The following CACNA1B variants were observed in gnomAD, a reference collection of about 807,000 sequenced individuals.
CACNA1B encodes voltage-dependent N-type calcium channel subunit alpha-1B.
CACNA1B carries 70 observed loss-of-function variants against 247.2 expected under a neutral mutation model. That is an observed-to-expected ratio of 0.28 (90% confidence interval 0.23 to 0.35). CACNA1B has a LOEUF of 0.35. Ranked by LOEUF, CACNA1B falls within the 10% of genes least tolerant of loss-of-function variation. The pLI is 1.00. For synonymous variants in CACNA1B, 1,231 were observed against 1,294.4 expected (o/e 0.95, Z 1.05); for missense variants, 2,367 against 3,197.4 (o/e 0.74, Z 6.26).
At chr9:137,949,613 G>A (rs1957855652) in intron 6 of CACNA1B, among the ~76,000 whole-genome samples, 1 of 152,076 alleles carries the variant, frequency 6.6e-6, no homozygotes, top group African/African-American at 2.4e-5. Flanking sequence ...CCACATCTGT[G>A]GTTCTGCCTG....
intron 41 of CACNA1B, 116 bp from the exon 42 acceptor site, chr9:138,115,436 A>C: frequency 9.2e-7 from 1 of 1,088,910 alleles, no homozygotes. Context: ...AAGAGCCCTT[A>C]GGCTGGGCTT....
chr9:137,979,784 C>T (rs1958272957), intron 12 of CACNA1B, among the ~76,000 whole-genome samples: 1 of 152,228 alleles, frequency 6.6e-6, no homozygotes, highest in Non-Finnish European at 1.5e-5. Flanking sequence ...TCCCTAAGTG[C>T]AGTGGCTGCG....
intron 10 of CACNA1B, among the ~76,000 whole-genome samples, chr9:137,969,770 CTGTG>C (rs1232502402): frequency 2.0e-5 from 3 of 152,180 alleles, no homozygotes; most frequent in African/African-American, 7.2e-5. Context: ...TCCTGCACAA[CTGTG>C]TGTGGGTGCA....
intron 37 of CACNA1B, chr9:138,101,151 C>T (rs770886030): frequency 3.4e-5 from 18 of 532,904 alleles, no homozygotes; most frequent in Non-Finnish European, 5.4e-5. Flanking sequence ...CGTTGTATTG[C>T]GCCACCCGTT....
Position 137,919,572 on chromosome 9 carries a change from T to C in CACNA1B, c.966+2141T>C, listed in dbSNP as rs1203234626. Among the ~76,000 whole-genome samples, 2 of 152,164 alleles carry C rather than the reference T, an allele frequency of 1.3e-5. No individual in the cohort carries two copies. The highest frequency in any genetic ancestry group is 6.5e-5 in the Admixed American group (1 of 15,280). On this transcript the variant is annotated intron_variant, in intron 6 of 46. Transcript: ENST00000371372. This position sits in a 1 kb window ranked among gnomAD's most constrained non-coding sequence, Gnocchi z 4.6. ...GATTAGACAGGAGTTTTGAAGAGGA[T>C]CCTTTGGAGAGAGCGAGAGCCCGCC...
chr9:137,961,578 G>A (rs895647981), intron 10 of CACNA1B, among the ~76,000 whole-genome samples: 6 of 152,178 alleles, frequency 3.9e-5, no homozygotes, highest in African/African-American at 1.4e-4. Flanking sequence ...TAACATGAAG[G>A]GATGTTGAAT....
chr9:137,902,958 A>G (rs1053976880), intron 3 of CACNA1B, among the ~76,000 whole-genome samples: 2 of 152,258 alleles, frequency 1.3e-5, no homozygotes, highest in African/African-American at 4.8e-5. Flanking sequence ...CCTCTTGTCA[A>G]GCATTTGGGT....
Position 137,955,895 on chromosome 9 carries a change from G to A in CACNA1B, c.1186+82G>A. 2.1e-6 allele frequency: 2 copies of A among 946,412 alleles called. No individual in the cohort carries two copies. Among genetic ancestry groups the A allele is most frequent in the Non-Finnish European group, 3.3e-6 (2 of 599,262 alleles). The allele number at this position is 946,412 out of a possible 1,614,324, so 58.6% of individuals were successfully genotyped here. On this transcript the variant is annotated intron_variant, in intron 8 of 46. Transcript: ENST00000371372. The surrounding 1 kb of genome is among the most constrained non-coding windows in gnomAD (Gnocchi z 6.9). ...CCAATTCTGCTCTGCTGCCAGCTGG[G>A]GTGCCCTGGCTGCTGGGTAGAGCCT... is the stretch of plus-strand genomic sequence containing the variant.
At position 137,952,388 on chromosome 9, in the gene CACNA1B, A is replaced by G. The variant is rs1327771804; in HGVS notation, c.1070+11A>G. The G allele has an allele frequency of 2.5e-6, 4 of 1,602,496 alleles. No homozygotes were observed. The African/African-American group carries it at 4.0e-5, about 16-fold the overall frequency. ...GGGCGTGCTCTCGGGGTGAGAGACC[A>G]TGTGGGGGATGTGCAGGTGCCCCTC... On this transcript the variant is annotated intron_variant, in intron 7 of 46. Coordinates refer to ENST00000371372, the MANE Select transcript of CACNA1B (RefSeq NM_000718.4). The surrounding 1 kb of genome is among the most constrained non-coding windows in gnomAD (Gnocchi z 4.8).
At chr9:138,049,369 G>A (rs1164860550) in intron 24 of CACNA1B, 54 bp downstream of exon 24, 11 of 1,140,734 alleles carry the variant, frequency 9.6e-6, no homozygotes, top group African/African-American at 1.5e-5. Flanking sequence ...ATCACGATGG[G>A]CGTGAGGGTG....
chr9:137,877,873 G>C lies in CACNA1B; in HGVS notation c.-61G>C, dbSNP rs1257876247. 3 of 913,932 alleles carry C rather than the reference G, an allele frequency of 3.3e-6. No individual in the cohort carries two copies. The highest frequency in any genetic ancestry group is 2.6e-6 in the Non-Finnish European group (2 of 761,856). 56.6% of individuals were successfully genotyped at this position (913,932 alleles called of 1,614,324 possible). A position where few individuals can be genotyped will look rare whatever the true frequency, so the allele number is the denominator to read the frequency against. On this transcript the variant is annotated 5_prime_UTR_variant, in exon 1 of 47. Coordinates refer to ENST00000371372, the MANE Select transcript of CACNA1B (RefSeq NM_000718.4). ...GGCTGCTCCGCTCTGAGCGCCTGGC[G>C]CGCCCCGCGCCCTCCCTGCCGGGGC...
At chr9:137,924,755 T>G (rs1393976427) in intron 6 of CACNA1B, among the ~76,000 whole-genome samples, 3 of 152,360 alleles carry the variant, frequency 2.0e-5, no homozygotes, top group Non-Finnish European at 4.4e-5. Context: ...TTTTGTTAGA[T>G]TTGTAGCTAT....
At chr9:138,079,573 T>C (rs1960445935) in intron 36 of CACNA1B, among the ~76,000 whole-genome samples, 1 of 151,942 alleles carries the variant, frequency 6.6e-6, no homozygotes, top group Admixed American at 6.5e-5. Flanking sequence ...TGAAACCCCA[T>C]CTCTACTAAA....
Position 137,959,794 on chromosome 9 carries a change from G to C in CACNA1B, c.1333+2107G>C, listed in dbSNP as rs115645171. ...CCAGCAACGGAGGCATGGGGGCCGC[G>C]ACACTGGAGAAACTCCTAATAAAGG... On this transcript the variant is annotated intron_variant, in intron 10 of 46. Transcript: ENST00000371372. Among the ~76,000 whole-genome samples the C allele has an allele frequency of 4.7e-3, 717 of 152,268 alleles. 8 individuals are homozygous for C. The highest frequency in any genetic ancestry group is 0.015 in the African/African-American group (636 of 41,546).
At chr9:137,969,268 T>A (rs529862683) in intron 10 of CACNA1B, among the ~76,000 whole-genome samples, 1 of 152,342 alleles carries the variant, frequency 6.6e-6, no homozygotes, top group East Asian at 1.9e-4. Flanking sequence ...AAGTCGATGT[T>A]TACAGCAAGG....
chr9:137,955,593 T>C lies in CACNA1B; in HGVS notation c.1071-105T>C. 1 of 743,496 alleles carries C rather than the reference T, an allele frequency of 1.3e-6. No individual in the cohort carries two copies. Among genetic ancestry groups the C allele is most frequent in the Non-Finnish European group, 2.2e-6 (1 of 445,190 alleles). The allele number at this position is 743,496 out of a possible 1,614,324, so 46.1% of individuals were successfully genotyped here. A position where few individuals can be genotyped will look rare whatever the true frequency, so the allele number is the denominator to read the frequency against. ...CTGCCTGAAGCAGCAGCCTGCAGCC[T>C]GCGTCTCCTGTCCCAGGCTTTCCCT... On this transcript the variant is annotated intron_variant, in intron 7 of 46. Coordinates refer to ENST00000371372, the MANE Select transcript of CACNA1B (RefSeq NM_000718.4). This position sits in a 1 kb window ranked among gnomAD's most constrained non-coding sequence, Gnocchi z 6.9.
intron 36 of CACNA1B, among the ~76,000 whole-genome samples, chr9:138,085,421 T>C (rs1960663341): frequency 6.6e-6 from 1 of 150,894 alleles, no homozygotes. Flanking sequence ...ATTTTATGGG[T>C]GTCTAGAAGG....
At chr9:138,093,935 A>G (rs1960967886) in intron 36 of CACNA1B, among the ~76,000 whole-genome samples, 1 of 152,216 alleles carries the variant, frequency 6.6e-6, no homozygotes, top group Non-Finnish European at 1.5e-5. Flanking sequence ...GACCCAAAAG[A>G]AATCAAATCA....
In CACNA1B at chr9:138,121,416, G is replaced by GT; in HGVS notation, c.6490-53_6490-52insT. On this transcript the variant is annotated intron_variant, in intron 46 of 46. Transcript: ENST00000371372. This position sits in a 1 kb window ranked among gnomAD's most constrained non-coding sequence, Gnocchi z 6.8. ...GTGATGTGCTCTGTCTGTTGGTTCG[G>GT]CTTTTTTTTTTTTTTTTTTACCTCT... The GT allele has an allele frequency of 1.0e-6, 1 of 957,108 alleles. No individual in the cohort carries two copies. 59.3% of individuals were successfully genotyped at this position (957,108 alleles called of 1,614,324 possible).
Sources: allele counts gnomAD v4.1 joint callset (sites outside exome capture counted in the v4.1 genomes callset), GRCh38; gene constraint gnomAD v4.1.1; non-coding constraint Gnocchi (gnomAD v3.1); transcripts MANE v1.5; gene names NCBI Gene and HGNC (gene_info 2026-07-23, HGNC 2026-07-21).